Variants in KIAA1217 observed in about 807,000 individuals in gnomAD.
KIAA1217 encodes the protein sickle tail protein homolog.
In KIAA1217, 88 loss-of-function variants were observed where a neutral mutation model predicts 163.9. The ratio of observed to expected loss-of-function variants is 0.54; its 90% CI spans 0.45 to 0.64. The LOEUF (loss-of-function observed/expected upper bound fraction) is 0.64. Ranked by LOEUF, KIAA1217 falls within the 30% of genes least tolerant of loss-of-function variation. The pLI, the probability that KIAA1217 is intolerant of heterozygous loss-of-function variation, is 0.00. For synonymous variants in KIAA1217, 903 were observed against 923.1 expected (o/e 0.98, Z 0.39); for missense variants, 2,372 against 2,475.0 (o/e 0.96, Z 0.88).
chr10:23,729,170 G>A (rs1838334757), intron 1 of KIAA1217, among the ~76,000 whole-genome samples: 1 of 152,128 alleles, frequency 6.6e-6, no homozygotes, highest in Non-Finnish European at 1.5e-5. Context: ...TTGTCTGGAT[G>A]TACCATAGTT....
chr10:24,143,509 C>G (rs2064174684), intron 2 of KIAA1217, among the ~76,000 whole-genome samples: 1 of 152,068 alleles, frequency 6.6e-6, no homozygotes, highest in Admixed American at 6.5e-5. Context: ...GTGATCCACC[C>G]ACCTCGGCCT....
Position 24,090,298 on chromosome 10 carries a change from C to T in KIAA1217, c.-171+82924C>T, listed in dbSNP as rs1191734735. 2.9e-4 allele frequency among the ~76,000 whole-genome samples: 39 copies of T among 135,680 alleles called. 1 individual carries two copies. The highest frequency in any genetic ancestry group is 1.1e-3 in the African/African-American group (39 of 34,866). The allele number at this position is 135,680 out of a possible 152,430, so 89.0% of individuals were successfully genotyped here. Reference sequence around the variant, plus strand: ...CCTTCCTCCTTAGCCTCCTAAGTAGCTTGAACTACAGGCATGCACCCTCAC... The same window carrying T: ...CCTTCCTCCTTAGCCTCCTAAGTAGTTTGAACTACAGGCATGCACCCTCAC... On this transcript the variant is annotated intron_variant, in intron 2 of 18. Transcript: ENST00000376462.
intron 1 of KIAA1217, among the ~76,000 whole-genome samples, chr10:23,947,600 G>A (rs1844116334): frequency 6.6e-6 from 1 of 152,128 alleles, no homozygotes; most frequent in Admixed American, 6.6e-5. Context: ...TCAGTAGGTG[G>A]TGACATCACA....
rs577742051 is a variant in KIAA1217 at position 24,276,855 on chromosome 10, G to A, written c.354+56946G>A. Among the ~76,000 whole-genome samples the A allele has an allele frequency of 1.9e-3, 282 of 151,812 alleles. 4 individuals are homozygous for A. The highest frequency in any genetic ancestry group is 6.1e-3 in the African/African-American group (254 of 41,418). ...GAACTCCTGACCTTGTGATCCGTCC[G>A]CCTCAGCCTCTCAAAGTGCTGGGAT... On this transcript the variant is annotated intron_variant, in intron 2 of 20. Transcript: ENST00000376454.
chr10:24,166,342 G>C (rs954136641), intron 2 of KIAA1217, among the ~76,000 whole-genome samples: 2 of 152,090 alleles, frequency 1.3e-5, no homozygotes, highest in African/African-American at 4.8e-5. Context: ...AATAATCTTG[G>C]TTGTTGATTA....
At chr10:24,161,894 G>A (rs778944817) in intron 2 of KIAA1217, among the ~76,000 whole-genome samples, 14 of 152,170 alleles carry the variant, frequency 9.2e-5, no homozygotes, top group Non-Finnish European at 1.5e-4. Flanking sequence ...CAAAGTAGAT[G>A]GATAAGAAAT....
intron 2 of KIAA1217, among the ~76,000 whole-genome samples, chr10:24,376,977 T>A (rs1336186): frequency 0.17 from 26,209 of 152,070 alleles, 2,724 homozygotes; most frequent in East Asian, 0.37. Flanking sequence ...CAGGCACCTG[T>A]TATGTTGGGT....
At chr10:24,105,961 G>A (rs1382681752) in intron 2 of KIAA1217, among the ~76,000 whole-genome samples, 1 of 152,206 alleles carries the variant, frequency 6.6e-6, no homozygotes, top group African/African-American at 2.4e-5. Flanking sequence ...TGGGGAGTCA[G>A]TGAGGCCTAA....
intron 2 of KIAA1217, among the ~76,000 whole-genome samples, chr10:24,172,011 A>G (rs1342637273): frequency 6.6e-6 from 1 of 152,164 alleles, no homozygotes; most frequent in Non-Finnish European, 1.5e-5. Flanking sequence ...ACAGAGAAGA[A>G]ACTGAGGCTT....
At chr10:24,486,720 C>A (rs1264323252) in intron 6 of KIAA1217, among the ~76,000 whole-genome samples, 3 of 152,216 alleles carry the variant, frequency 2.0e-5, no homozygotes, top group Non-Finnish European at 4.4e-5. Flanking sequence ...TCAAAAGTGA[C>A]TTTCTCAGTG....
chr10:23,779,794 A>G (rs1835172560), intron 1 of KIAA1217, among the ~76,000 whole-genome samples: 1 of 152,206 alleles, frequency 6.6e-6, no homozygotes, highest in East Asian at 1.9e-4. Context: ...ATTTCAGTCA[A>G]CAATGAACTG....
intron 1 of KIAA1217, among the ~76,000 whole-genome samples, chr10:23,704,878 C>G (rs1459321235): frequency 6.6e-6 from 1 of 152,076 alleles, no homozygotes; most frequent in Non-Finnish European, 1.5e-5. Flanking sequence ...AAAGAACTGT[C>G]AAACTGGTTT....
At chr10:24,033,716 C>G (rs902902750) in intron 2 of KIAA1217, among the ~76,000 whole-genome samples, 3 of 152,178 alleles carry the variant, frequency 2.0e-5, no homozygotes, top group African/African-American at 7.2e-5. Context: ...GAATACTATG[C>G]ATACATGGTT....
chr10:23,914,473 C>A lies in KIAA1217; in HGVS notation c.-320-92752C>A, dbSNP rs1842560568. 1.3e-5 allele frequency among the ~76,000 whole-genome samples: 2 copies of A among 152,094 alleles called. 1 individual carries two copies. Among genetic ancestry groups the A allele is most frequent in the South Asian group, 4.2e-4 (2 of 4,814 alleles). ...GGGATTACAGGTGCACATCACTGCACTGGCTAATTTTTTTAATTTTTGTAG... is the reference window on the plus strand; with the variant it reads ...GGGATTACAGGTGCACATCACTGCAATGGCTAATTTTTTTAATTTTTGTAG... On this transcript the variant is annotated intron_variant, in intron 1 of 18. Transcript: ENST00000376462.
Position 23,768,782 on chromosome 10 carries a change from G to T in KIAA1217, c.-321+73548G>T, listed in dbSNP as rs11013704. On this transcript the variant is annotated intron_variant, in intron 1 of 18. Coordinates refer to the KIAA1217 transcript ENST00000376462. ...GGGTTCAAGGATTATTGACTTTCCCGCAGGCACTCGGGCTGAACTTGCCTC... is the reference window on the plus strand; with the variant it reads ...GGGTTCAAGGATTATTGACTTTCCCTCAGGCACTCGGGCTGAACTTGCCTC... Among the ~76,000 whole-genome samples, 89 of 152,180 alleles carry T rather than the reference G, an allele frequency of 5.8e-4. 3 individuals carry two copies. In the East Asian group the frequency reaches 0.017, roughly 29 times the overall value.
rs2053244140 is a variant in KIAA1217 at position 24,381,174 on chromosome 10, G to A, written c.553+107G>A. The stretch of plus-strand genomic sequence containing the variant: ...TTCAACATTAATTTGATCTTGATTT[G>A]CAAATACTCTAGTACTGGGAAACTT... On this transcript the variant is annotated intron_variant, in intron 3 of 20. Coordinates refer to ENST00000376454, the MANE Select transcript of KIAA1217 (RefSeq NM_019590.5). 2.8e-5 allele frequency: 24 copies of A among 853,002 alleles called. No homozygotes were observed. In the South Asian group the frequency reaches 6.9e-4, roughly 24 times the overall value. The allele number at this position is 853,002 out of a possible 1,614,324, so 52.8% of individuals were successfully genotyped here. A position where few individuals can be genotyped will look rare whatever the true frequency, so the allele number is the denominator to read the frequency against.
intron 1 of KIAA1217, among the ~76,000 whole-genome samples, chr10:23,740,778 TAA>T (rs796794628): frequency 2.0e-4 from 29 of 144,552 alleles, no homozygotes; most frequent in African/African-American, 5.8e-4. Context: ...AGGTTGAGAT[TAA>T]AAAAAAAAAA....
At position 24,375,770 on chromosome 10, in the gene KIAA1217, C is replaced by T. The variant is rs560666220; in HGVS notation, c.355-5099C>T. 6.6e-5 allele frequency among the ~76,000 whole-genome samples: 10 copies of T among 152,322 alleles called. No homozygotes were observed. In the South Asian group the frequency reaches 8.3e-4, roughly 13 times the overall value. On this transcript the variant is annotated intron_variant, in intron 2 of 20. Coordinates refer to ENST00000376454, the MANE Select transcript of KIAA1217 (RefSeq NM_019590.5). ...ATTAGGATGAAGTAAAACTTCATCA[C>T]GGCAATGTTGATTTTTCTTTTCACA...
intron 2 of KIAA1217, among the ~76,000 whole-genome samples, chr10:24,048,814 C>G (rs1014544688): frequency 2.6e-5 from 4 of 151,624 alleles, no homozygotes; most frequent in African/African-American, 9.7e-5. Context: ...GGGTGGATCA[C>G]GAGGTCAGGG....
Sources: allele counts gnomAD v4.1 joint callset (sites outside exome capture counted in the v4.1 genomes callset), GRCh38; gene constraint gnomAD v4.1.1; transcripts MANE v1.5; gene names NCBI Gene and HGNC (gene_info 2026-07-23, HGNC 2026-07-21).